TMPRSS6: variants seen among roughly 807,000 people sequenced by gnomAD.
TMPRSS6 encodes the protein transmembrane protease serine 6.
In TMPRSS6, 67 loss-of-function variants were observed where a neutral mutation model predicts 101.5. That is an observed-to-expected ratio of 0.66 (90% CI 0.54 to 0.81). The LOEUF (loss-of-function observed/expected upper bound fraction) is 0.81. Among genes scored for constraint, TMPRSS6 ranks in the 30% least tolerant of loss-of-function variants. The pLI, the probability that TMPRSS6 is intolerant of heterozygous loss-of-function variation, is 0.00. For synonymous variants in TMPRSS6, 453 were observed against 464.9 expected, an observed-to-expected ratio of 0.97 and a Z score of 0.33; for missense variants, 1,034 against 1,088.7, an observed-to-expected ratio of 0.95 and a Z score of 0.71.
intron 2 of TMPRSS6, among the ~76,000 whole-genome samples, chr22:37,098,961 C>A (rs1930064336): frequency 6.6e-6 from 1 of 152,252 alleles, no homozygotes; most frequent in Non-Finnish European, 1.5e-5. Flanking sequence ...GTGTGCTAAC[C>A]ACCTACTACA....
chr22:37,094,573 A>G (rs1929588289), intron 6 of TMPRSS6, among the ~76,000 whole-genome samples: 1 of 152,202 alleles, frequency 6.6e-6, no homozygotes, highest in African/African-American at 2.4e-5. Flanking sequence ...AGATAGACAA[A>G]TAGATCAGTT....
At chr22:37,081,472 G>C (rs537808823) in intron 10 of TMPRSS6, among the ~76,000 whole-genome samples, 1 of 152,308 alleles carries the variant, frequency 6.6e-6, no homozygotes, top group East Asian at 1.9e-4. Context: ...AACACAACTT[G>C]TATGGGAGAC....
In TMPRSS6 at chr22:37,069,190, C is replaced by G; in HGVS notation, c.1996G>C (p.Asp666His). 1.3e-6 allele frequency: 2 copies of G among 1,597,826 alleles called. No homozygotes were observed. The highest frequency in any genetic ancestry group is 1.7e-6 in the Non-Finnish European group (2 of 1,173,336). ...HDYDVALLQLDHPVVRSAAVR... is the reference protein window; with the variant it reads ...HDYDVALLQLHHPVVRSAAVR... ...GCGGCCGAGCGCACCACCGGGTGGT[C>G]GAGCTGCAGCAGCGCCACGTCGTAG... Residue 666 changes from aspartate (D) to histidine (H), a missense_variant, in exon 16 of 18, where the codon GAC becomes CAC. Transcript: ENST00000676104. This position sits in a 1 kb window ranked among gnomAD's most constrained non-coding sequence, Gnocchi z 4.8.
In TMPRSS6 at chr22:37,075,221, G is replaced by A. The variant is rs1344575793; in HGVS notation, c.1256C>T (p.Ala419Val). ...GGAGGTGAAGTTGATGGTGATCCCG[G>A]CCGTGGCCACCACGGGGATCCTCTC... ...YAERIPVVATAGITINFTSQI... is the reference protein window; with the variant it reads ...YAERIPVVATVGITINFTSQI... Residue 419 changes from alanine (A) to valine (V), a missense_variant, in exon 11 of 18, where the codon GCC becomes GTC. Transcript: ENST00000676104. 1 of 1,613,788 alleles carries A rather than the reference G, an allele frequency of 6.2e-7. No individual in the cohort carries two copies. The highest frequency in any genetic ancestry group is 2.2e-5 in the East Asian group (1 of 44,892).
At chr22:37,107,109 C>A (rs1303115216) in intron 1 of TMPRSS6, among the ~76,000 whole-genome samples, 1 of 152,186 alleles carries the variant, frequency 6.6e-6, no homozygotes, top group African/African-American at 2.4e-5. Context: ...AGTCTCTAGG[C>A]CCCTGGTACA....
In TMPRSS6 at chr22:37,084,462, C is replaced by T. The variant is rs992528088; in HGVS notation, c.1087-58G>A. ...ATGGGGTGTGGCCAGGTTGGTGAAC[C>T]CACCTCCCTAACAACAAAGAGAAGG... On this transcript the variant is annotated intron_variant, in intron 9 of 17. Coordinates refer to ENST00000676104, the MANE Select transcript of TMPRSS6 (RefSeq NM_001374504.1). 5.6e-6 allele frequency: 7 copies of T among 1,255,604 alleles called. No homozygotes were observed. In the Admixed American group the frequency reaches 1.1e-4, roughly 20 times the overall value. 77.8% of individuals were successfully genotyped at this position (1,255,604 alleles called of 1,614,324 possible). A position where few individuals can be genotyped will look rare whatever the true frequency, so the allele number is the denominator to read the frequency against.
At chr22:37,105,678 TTTTG>T (rs1930672277) in intron 1 of TMPRSS6, among the ~76,000 whole-genome samples, 1 of 152,152 alleles carries the variant, frequency 6.6e-6, no homozygotes, top group Non-Finnish European at 1.5e-5. Context: ...GTCGCACCCC[TTTTG>T]TTTAAGGGAC....
chr22:37,089,601 G>C lies in TMPRSS6; in HGVS notation c.813C>G (p.Pro271=). 6.2e-7 allele frequency: 1 copy of C among 1,610,400 alleles called. No individual in the cohort carries two copies. Among genetic ancestry groups the C allele is most frequent in the Non-Finnish European group, 8.5e-7 (1 of 1,178,642 alleles). ...DRLAMYDVAG[P]LEKRLITSVY... Reference sequence around the variant, plus strand: ...ACGAGGTGATGAGCCTCTTCTCCAGGGGCCCGGCCACGTCATACATGGCCA... The same window carrying C: ...ACGAGGTGATGAGCCTCTTCTCCAGCGGCCCGGCCACGTCATACATGGCCA... The change falls in exon 7 of 18, where the codon CCC becomes CCG. Residue 271 remains proline, a synonymous_variant. Coordinates refer to ENST00000676104, the MANE Select transcript of TMPRSS6 (RefSeq NM_001374504.1).
At chr22:37,104,548 C>A (rs766108692) in intron 1 of TMPRSS6, among the ~76,000 whole-genome samples, 1 of 152,180 alleles carries the variant, frequency 6.6e-6, no homozygotes, top group Non-Finnish European at 1.5e-5. Flanking sequence ...TGGCCTTTGA[C>A]GCAGGTTTCC....
At chr22:37,083,116 A>T (rs942090578) in intron 10 of TMPRSS6, 2 of 470,746 alleles carry the variant, frequency 4.2e-6, no homozygotes, top group East Asian at 1.4e-4. Context: ...CAAATCTTTC[A>T]TACTAGACTC....
intron 1 of TMPRSS6, among the ~76,000 whole-genome samples, chr22:37,108,553 G>A (rs749326703): frequency 6.6e-5 from 10 of 152,168 alleles, no homozygotes; most frequent in Non-Finnish European, 1.3e-4. Context: ...AGGGTCTCGG[G>A]TCTGCCTGCT....
In TMPRSS6 at chr22:37,096,851, C is replaced by T. The variant is rs73421622; in HGVS notation, c.337-136G>A. On this transcript the variant is annotated intron_variant, in intron 3 of 17. Transcript: ENST00000676104. ...TCTCCAAGGTGGACAGGCTTGATCACGGTCACACAGTGCTGAGTGGCCGGG... is the reference window on the plus strand; with the variant it reads ...TCTCCAAGGTGGACAGGCTTGATCATGGTCACACAGTGCTGAGTGGCCGGG... 4.7e-3 allele frequency: 4,149 copies of T among 876,218 alleles called. 118 individuals are homozygous for T. The African/African-American group carries it at 0.059, about 12-fold the overall frequency. The allele number at this position is 876,218 out of a possible 1,614,324, so 54.3% of individuals were successfully genotyped here. A position where few individuals can be genotyped will look rare whatever the true frequency, so the allele number is the denominator to read the frequency against.
chr22:37,070,431 G>A (rs998599069), intron 15 of TMPRSS6, 53 bp downstream of exon 15: 10 of 1,607,512 alleles, frequency 6.2e-6, no homozygotes, highest in Non-Finnish European at 7.7e-6. Flanking sequence ...CTCCCACCGG[G>A]CCTTCCCTGC....
At chr22:37,106,324 G>A (rs1037114310) in intron 1 of TMPRSS6, among the ~76,000 whole-genome samples, 14 of 152,202 alleles carry the variant, frequency 9.2e-5, no homozygotes, top group African/African-American at 2.9e-4. Flanking sequence ...GGAGCAGGTC[G>A]TGGGTCCATT....
At position 37,095,573 on chromosome 22, in the gene TMPRSS6, T is replaced by C. The variant is rs771099661; in HGVS notation, c.609A>G (p.Ile203Met). The change falls in exon 6 of 18, where the codon ATA becomes ATG. Residue 203 changes from isoleucine to methionine, a missense_variant. Transcript: ENST00000676104. ...TACCCAGCGTGGAATTCAATGCAGC[T>C]ATGTCTTTCACACTGGCTTCTGATA... The part of the protein sequence containing the change: ...LVILEASVKD[I>M]AALNSTLGCY... 3 of 1,609,888 alleles carry C rather than the reference T, an allele frequency of 1.9e-6. No homozygotes were observed. In the South Asian group the frequency reaches 3.3e-5, roughly 18 times the overall value.
rs995063397 is a variant in TMPRSS6 at position 37,093,372 on chromosome 22, C to G, written c.631+2179G>C. Among the ~76,000 whole-genome samples the G allele has an allele frequency of 1.2e-4, 16 of 138,040 alleles. 1 individual carries two copies. Among genetic ancestry groups the G allele is most frequent in the African/African-American group, 4.5e-4 (16 of 35,864 alleles). The allele number at this position is 138,040 out of a possible 152,430, so 90.6% of individuals were successfully genotyped here. ...ACTTTCCATAGGACCTTTTCCTTTC[C>G]TTTCTTTCTTTCTTTTTTTTTTTTT... On this transcript the variant is annotated intron_variant, in intron 6 of 17. Coordinates refer to ENST00000676104, the MANE Select transcript of TMPRSS6 (RefSeq NM_001374504.1).
chr22:37,098,533 C>T lies in TMPRSS6; in HGVS notation c.219G>A (p.Val73=), dbSNP rs1415880350. ...TGCCTGAGTACACCTGGCTGACCAT[C>T]ACCTCCGCCTTGTACCCTGCCCAGG... ...LWYFLGYKAE[V]MVSQVYSGSL... Residue 73 remains valine, a synonymous_variant, in exon 3 of 18, where the codon GTG becomes GTA. Coordinates refer to ENST00000676104, the MANE Select transcript of TMPRSS6 (RefSeq NM_001374504.1). 4.3e-6 allele frequency: 7 copies of T among 1,614,046 alleles called. No homozygotes were observed. The highest frequency in any genetic ancestry group is 1.6e-4 in the Middle Eastern group (1 of 6,084).
intron 13 of TMPRSS6, among the ~76,000 whole-genome samples, chr22:37,072,483 AT>A (rs1927122244): frequency 1.0e-5 from 1 of 100,382 alleles, no homozygotes. Context: ...GGATGGATGG[AT>A]GATGGATGAT....
intron 1 of TMPRSS6, among the ~76,000 whole-genome samples, chr22:37,104,541 C>G (rs1233990667): frequency 6.6e-6 from 1 of 152,336 alleles, no homozygotes; most frequent in East Asian, 1.9e-4. Context: ...ATGTATTTGG[C>G]CTTTGACGCA....
Sources: gnomAD v4.1 joint callset for allele counts (sites outside exome capture counted in the v4.1 genomes callset) on GRCh38, gnomAD v4.1.1 for gene constraint, Gnocchi (gnomAD v3.1) non-coding constraint, MANE v1.5 for transcripts, NCBI Gene and HGNC (gene_info 2026-07-23, HGNC 2026-07-21) for gene names.